The following SNCAIP variants were observed in gnomAD, a reference collection of about 807,000 sequenced individuals.
SNCAIP encodes the protein synphilin-1.
Under a neutral mutation model 86.7 loss-of-function variants are expected in SNCAIP, and 43 were observed. That is an observed-to-expected ratio of 0.50 (90% CI 0.39 to 0.64). The LOEUF (loss-of-function observed/expected upper bound fraction) is 0.64. Among genes scored for constraint, SNCAIP ranks in the 30% least tolerant of loss-of-function variants. The pLI, the probability that SNCAIP is intolerant of heterozygous loss-of-function variation, is 0.00. For synonymous variants in SNCAIP, 417 were observed against 427.2 expected (o/e 0.98, Z 0.29); for missense variants, 981 against 1,103.1 (o/e 0.89, Z 1.57).
chr5:122,337,197 C>T (rs1350380475), intron 1 of SNCAIP, among the ~76,000 whole-genome samples: 1 of 152,046 alleles, frequency 6.6e-6, no homozygotes, highest in Non-Finnish European at 1.5e-5. Context: ...GGGTGCAGAA[C>T]AATGTCAACC....
intron 1 of SNCAIP, among the ~76,000 whole-genome samples, chr5:122,380,716 G>A (rs11958049): frequency 0.02 from 3,014 of 149,658 alleles, 89 homozygotes; most frequent in African/African-American, 0.071. Flanking sequence ...CTTTGAATGC[G>A]TCCCAGAGAT....
chr5:122,429,540 G>A (rs1360194556), intron 5 of SNCAIP, among the ~76,000 whole-genome samples: 1 of 150,886 alleles, frequency 6.6e-6, no homozygotes, highest in Non-Finnish European at 1.5e-5. Flanking sequence ...CTGTGTAAAT[G>A]CCAGTTTGCT....
chr5:122,359,724 G>A (rs1761837323), intron 1 of SNCAIP, among the ~76,000 whole-genome samples: 1 of 152,104 alleles, frequency 6.6e-6, no homozygotes, highest in Non-Finnish European at 1.5e-5. Context: ...CCTCACTCCA[G>A]AAAGCGTATG....
chr5:122,430,349 C>A (rs1778166554), intron 5 of SNCAIP, among the ~76,000 whole-genome samples: 1 of 152,090 alleles, frequency 6.6e-6, no homozygotes, highest in African/African-American at 2.4e-5. Flanking sequence ...AGAGTTATTG[C>A]GAGAATCTAA....
chr5:122,439,667 C>T (rs778283133), intron 6 of SNCAIP, among the ~76,000 whole-genome samples: 2 of 152,050 alleles, frequency 1.3e-5, no homozygotes, highest in East Asian at 3.9e-4. Context: ...AAAAAAAAAT[C>T]CTTTAAAAGG....
chr5:122,386,060 C>A (rs1172164022), intron 1 of SNCAIP, among the ~76,000 whole-genome samples: 1 of 152,080 alleles, frequency 6.6e-6, no homozygotes, highest in African/African-American at 2.4e-5. Context: ...TTTTATGAGC[C>A]AAGCACACCA....
chr5:122,381,432 T>C (rs1766776918), intron 1 of SNCAIP, among the ~76,000 whole-genome samples: 1 of 145,558 alleles, frequency 6.9e-6, no homozygotes. Flanking sequence ...AGCCTATGTG[T>C]GTCTCTGCAC....
chr5:122,365,232 A>T (rs1410902810), intron 1 of SNCAIP, among the ~76,000 whole-genome samples: 1 of 152,116 alleles, frequency 6.6e-6, no homozygotes, highest in Non-Finnish European at 1.5e-5. Flanking sequence ...GACCAATTTT[A>T]TGATATATGC....
At chr5:122,340,419 G>A (rs1716356981) in intron 1 of SNCAIP, among the ~76,000 whole-genome samples, 2 of 152,150 alleles carry the variant, frequency 1.3e-5, no homozygotes, top group South Asian at 2.1e-4. Context: ...GAATTATTAA[G>A]TGGTAGTTGG....
intron 1 of SNCAIP, among the ~76,000 whole-genome samples, chr5:122,337,116 C>T (rs1272649858): frequency 6.6e-6 from 1 of 152,048 alleles, no homozygotes; most frequent in Non-Finnish European, 1.5e-5. Context: ...TGCTTGATTC[C>T]CCCTCCAATG....
intron 1 of SNCAIP, among the ~76,000 whole-genome samples, chr5:122,341,386 A>G (rs1757550868): frequency 6.6e-6 from 1 of 152,174 alleles, no homozygotes; most frequent in Non-Finnish European, 1.5e-5. Flanking sequence ...GGAAGTGCAC[A>G]CTCTGAAATA....
rs1395327643 is a variant in SNCAIP, at chr5:122,423,246, A to C, written c.509A>C (p.Lys170Thr). 6.2e-7 allele frequency: 1 copy of C among 1,614,214 alleles called. No individual in the cohort carries two copies. The highest frequency in any genetic ancestry group is 1.1e-5 in the South Asian group (1 of 91,082). Reference sequence around the variant, plus strand: ...AGTCAGCAGCTTGCCTCTTTTACCAAGGTGACTTCAGAAAAAAGAATTTTG... The same window carrying C: ...AGTCAGCAGCTTGCCTCTTTTACCACGGTGACTTCAGAAAAAAGAATTTTG... ...KSSQQLASFTKVTSEKRILGL... is the reference protein window; with the variant it reads ...KSSQQLASFTTVTSEKRILGL... The change falls in exon 4 of 11, where the codon AAG becomes ACG. Residue 170 changes from lysine to threonine, a missense_variant. Coordinates refer to ENST00000261368, the MANE Select transcript of SNCAIP (RefSeq NM_005460.4).
At chr5:122,315,002 C>T (rs1426564718) in intron 1 of SNCAIP, among the ~76,000 whole-genome samples, 1 of 152,136 alleles carries the variant, frequency 6.6e-6, no homozygotes, top group African/African-American at 2.4e-5. Flanking sequence ...GCCTAAGATG[C>T]TAAATAGTAA....
intron 3 of SNCAIP, among the ~76,000 whole-genome samples, chr5:122,412,510 A>G (rs1402734875): frequency 6.6e-6 from 1 of 151,472 alleles, no homozygotes; most frequent in Admixed American, 6.6e-5. Flanking sequence ...TTCTCCTAAC[A>G]CTCTGACATC....
intron 1 of SNCAIP, among the ~76,000 whole-genome samples, chr5:122,316,413 G>T (rs1751739283): frequency 6.6e-6 from 1 of 152,172 alleles, no homozygotes; most frequent in Non-Finnish European, 1.5e-5. Context: ...AAGTGGGTGG[G>T]TTCACCCTTA....
chr5:122,312,889 T>TGTCTCTTG (rs2152634569), intron 1 of SNCAIP: 1 of 152,390 alleles, frequency 6.6e-6, no homozygotes, highest in South Asian at 2.1e-4. Flanking sequence ...CTCTTGGCCT[T>TGTCTCTTG]GTCTCTTGGC....
intron 1 of SNCAIP, among the ~76,000 whole-genome samples, chr5:122,380,707 T>G (rs1414492201): frequency 6.6e-6 from 1 of 150,428 alleles, no homozygotes; most frequent in African/African-American, 2.5e-5. Context: ...TACACACTGC[T>G]TTGAATGCGT....
chr5:122,431,198 G>A (rs994656613), intron 5 of SNCAIP, among the ~76,000 whole-genome samples: 1 of 152,026 alleles, frequency 6.6e-6, no homozygotes, highest in Non-Finnish European at 1.5e-5. Flanking sequence ...AACTAGTTTG[G>A]TGGCTTTTTA....
chr5:122,374,004 T>C (rs1764772576), intron 1 of SNCAIP, among the ~76,000 whole-genome samples: 1 of 152,208 alleles, frequency 6.6e-6, no homozygotes, highest in African/African-American at 2.4e-5. Context: ...CCTTGTCTAC[T>C]AACAGGATGT....
Sources: gnomAD v4.1 joint callset for allele counts (sites outside exome capture counted in the v4.1 genomes callset) on GRCh38, gnomAD v4.1.1 for gene constraint, MANE v1.5 for transcripts, NCBI Gene and HGNC (gene_info 2026-07-23, HGNC 2026-07-21) for gene names.